CXCL12: variants seen among roughly 807,000 people sequenced by gnomAD.
The protein encoded by CXCL12 is C-X-C motif chemokine ligand 12, also known as stromal cell-derived factor 1.
A neutral mutation model predicts 10.7 loss-of-function variants in CXCL12; 4 were observed. That is an observed-to-expected ratio of 0.37 (90% CI 0.18 to 0.86). The LOEUF is 0.86. Among genes scored for constraint, CXCL12 ranks in the 40% least tolerant of loss-of-function variants. The pLI, the probability that CXCL12 is intolerant of heterozygous loss-of-function variation, is 0.43. For missense variants in CXCL12, 122 were observed against 110.4 expected (o/e 1.10, Z -0.47); for synonymous variants, 54 against 45.4 (o/e 1.19, Z -0.77).
At chr10:44,375,967 C>T, downstream of CXCL12, 1 of 1,613,424 alleles carries the variant, frequency 6.2e-7, no homozygotes, top group Non-Finnish European at 8.5e-7. Flanking sequence ...GGCAGCCTTT[C>T]TCTTCTTCTG....
In CXCL12 at chr10:44,377,620, T is replaced by C. The variant is rs1394049841; in HGVS notation, c.*1013A>G. 6.6e-7 allele frequency: 1 copy of C among 1,520,200 alleles called. No individual in the cohort carries two copies. The highest frequency in any genetic ancestry group is 8.8e-7 in the Non-Finnish European group (1 of 1,141,456). 94.2% of individuals were successfully genotyped at this position (1,520,200 alleles called of 1,614,324 possible). A position where few individuals can be genotyped will look rare whatever the true frequency, so the allele number is the denominator to read the frequency against. Reference sequence around the variant, plus strand: ...TGATTTCGGAAACCTCAGAGTTTGTTAGTGCCTCCATGGCATACATAGGCT... The same window carrying C: ...TGATTTCGGAAACCTCAGAGTTTGTCAGTGCCTCCATGGCATACATAGGCT... On this transcript the variant is annotated 3_prime_UTR_variant, in exon 3 of 3. Transcript: ENST00000343575.
Position 44,378,708 on chromosome 10 carries a change from G to C in CXCL12, c.195C>G (p.Asn65Lys). Residue 65 changes from asparagine (N) to lysine (K), a missense_variant, in exon 3 of 3, where the codon AAC becomes AAG. Coordinates refer to ENST00000343575, the MANE Select transcript of CXCL12 (RefSeq NM_199168.4). ...GGTCAATGCACACTTGTCTGTTGTT[G>C]TTCTTCAGCCGGGCTCTGTGAAAAC... ...CALQIVARLK[N>K]NNRQVCIDPK... The C allele has an allele frequency of 1.2e-6, 2 of 1,614,166 alleles. No homozygotes were observed. The highest frequency in any genetic ancestry group is 1.7e-6 in the Non-Finnish European group (2 of 1,180,012).
chr10:44,380,668 T>C (rs2132047862), intron 2 of CXCL12, 95 bp downstream of exon 2: 1 of 1,088,712 alleles, frequency 9.2e-7, no homozygotes, highest in East Asian at 2.4e-5. Context: ...ACTTGGCTTG[T>C]CACCTCTACA....
In CXCL12 at chr10:44,378,460, G is replaced by A; in HGVS notation, c.*173C>T. On this transcript the variant is annotated 3_prime_UTR_variant, in exon 3 of 3. Coordinates refer to ENST00000343575, the MANE Select transcript of CXCL12 (RefSeq NM_199168.4). ...TCATACCGTATGCTATAAATGCAGG[G>A]TCTAAATGCTGGCAAACCTCAGGCC... The A allele has an allele frequency of 5.2e-6, 8 of 1,537,996 alleles. No homozygotes were observed. Among genetic ancestry groups the A allele is most frequent in the Non-Finnish European group, 7.0e-6 (8 of 1,143,612 alleles).
At chr10:44,375,150 C>T (rs541187694), downstream of CXCL12, among the ~76,000 whole-genome samples, 1 of 152,312 alleles carries the variant, frequency 6.6e-6, no homozygotes, top group African/African-American at 2.4e-5. Context: ...CACATCTGTC[C>T]TCCACGTGGG....
chr10:44,375,943 T>C (rs575845294), downstream of CXCL12: 1 of 1,611,494 alleles, frequency 6.2e-7, no homozygotes, highest in South Asian at 1.1e-5. Flanking sequence ...AGATAACTAG[T>C]TTTTCCTTTT....
At chr10:44,382,142 G>A (rs1278275119) in intron 1 of CXCL12, among the ~76,000 whole-genome samples, 12 of 152,170 alleles carry the variant, frequency 7.9e-5, no homozygotes, top group Non-Finnish European at 7.3e-5. Flanking sequence ...GCAACTCCCT[G>A]AAAACCAGGA....
At chr10:44,374,463 CA>C (rs1358780927), downstream of CXCL12, 1 of 455,948 alleles carries the variant, frequency 2.2e-6, no homozygotes, top group Non-Finnish European at 4.4e-6. Flanking sequence ...GTGGGGAGGG[CA>C]GAAGACTAGG....
chr10:44,376,904 C>T (rs1191284023), downstream of CXCL12, among the ~76,000 whole-genome samples: 2 of 139,708 alleles, frequency 1.4e-5, no homozygotes, highest in African/African-American at 2.7e-5. Flanking sequence ...ACTGCTATTT[C>T]AATCGGGTTA....
Position 44,381,131 on chromosome 10 carries a change from G to A in CXCL12, c.62-251C>T, listed in dbSNP as rs1054770410. 4.6e-5 allele frequency among the ~76,000 whole-genome samples: 7 copies of A among 152,326 alleles called. No homozygotes were observed. The East Asian group carries it at 5.8e-4, about 13-fold the overall frequency. ...TGGGGAGAGCCGGAGCCTAGATGAG[G>A]CGGGAGTTTAAATTAGAAGCCACCT... is the stretch of plus-strand genomic sequence containing the variant. On this transcript the variant is annotated intron_variant, in intron 1 of 2. Coordinates refer to ENST00000343575, the MANE Select transcript of CXCL12 (RefSeq NM_199168.4).
In CXCL12 at chr10:44,378,076, G is replaced by A. The variant is rs1588898790; in HGVS notation, c.*557C>T. The A allele has an allele frequency of 8.2e-6, 12 of 1,458,124 alleles. No homozygotes were observed. Among genetic ancestry groups the A allele is most frequent in the Middle Eastern group, 2.2e-4 (1 of 4,450 alleles). The allele number at this position is 1,458,124 out of a possible 1,614,324, so 90.3% of individuals were successfully genotyped here. On this transcript the variant is annotated 3_prime_UTR_variant, in exon 3 of 3. Transcript: ENST00000343575. ...AAGAGGAGGTGAAGGCAGTGGCGGC[G>A]CCCAGCCCCAGTCGGTATCTGAGTG...
chr10:44,377,892 C>T lies in CXCL12; in HGVS notation c.*741G>A, dbSNP rs774652189. On this transcript the variant is annotated 3_prime_UTR_variant, in exon 3 of 3. Coordinates refer to ENST00000343575, the MANE Select transcript of CXCL12 (RefSeq NM_199168.4). Reference sequence around the variant, plus strand: ...GCAATCACCCTCTTCCCGGCTGGTGCGGCGCTGATCAGGCTACAGAAATGA... The same window carrying T: ...GCAATCACCCTCTTCCCGGCTGGTGTGGCGCTGATCAGGCTACAGAAATGA... The T allele has an allele frequency of 1.1e-5, 17 of 1,568,430 alleles. No homozygotes were observed. Among genetic ancestry groups the T allele is most frequent in the East Asian group, 2.3e-5 (1 of 43,262 alleles).
At chr10:44,374,046 C>T (rs1168529242), downstream of CXCL12, among the ~76,000 whole-genome samples, 1 of 152,230 alleles carries the variant, frequency 6.6e-6, no homozygotes, top group Non-Finnish European at 1.5e-5. Context: ...TCACAAGCCA[C>T]TTGTAAACCA....
At chr10:44,373,496 G>A (rs188403834), downstream of CXCL12, among the ~76,000 whole-genome samples, 40 of 152,366 alleles carry the variant, frequency 2.6e-4, no homozygotes, top group Admixed American at 7.2e-4. Flanking sequence ...GAGGCCCTGC[G>A]ACAACAGACG....
chr10:44,380,736 T>C, intron 2 of CXCL12, 27 bp downstream of exon 2: 3 of 1,554,690 alleles, frequency 1.9e-6, no homozygotes, highest in Non-Finnish European at 2.7e-6. Flanking sequence ...CTATGTTCGT[T>C]AGATGATGTT....
chr10:44,377,138 T>G lies in CXCL12; in HGVS notation c.*1495A>C. On this transcript the variant is annotated 3_prime_UTR_variant, in exon 3 of 3. Transcript: ENST00000343575. ...CACATACAGTAGGACGTTTATACCA[T>G]GAAACAATTAGCATTTTATTGCTAG... 1.0e-6 allele frequency: 1 copy of G among 986,368 alleles called. No individual in the cohort carries two copies. Among genetic ancestry groups the G allele is most frequent in the Non-Finnish European group, 1.2e-6 (1 of 830,646 alleles). The allele number at this position is 986,368 out of a possible 1,614,324, so 61.1% of individuals were successfully genotyped here. A position where few individuals can be genotyped will look rare whatever the true frequency, so the allele number is the denominator to read the frequency against.
In CXCL12 at chr10:44,378,491, C is replaced by G; in HGVS notation, c.*142G>C. ...ATGCTGGCAAACCTCAGGCCCGATCCCAGATCAATGTGCCCACCCCACACA... is the reference window on the plus strand; with the variant it reads ...ATGCTGGCAAACCTCAGGCCCGATCGCAGATCAATGTGCCCACCCCACACA... On this transcript the variant is annotated 3_prime_UTR_variant, in exon 3 of 3. Transcript: ENST00000343575. 1.9e-6 allele frequency: 3 copies of G among 1,541,448 alleles called. No homozygotes were observed. In the East Asian group the frequency reaches 7.0e-5, roughly 36 times the overall value.
At chr10:44,383,443 C>T (rs1472251166) in intron 1 of CXCL12, among the ~76,000 whole-genome samples, 1 of 152,042 alleles carries the variant, frequency 6.6e-6, no homozygotes, top group Admixed American at 6.5e-5. Flanking sequence ...TCATTCCAAT[C>T]CTCTCTCCAG....
downstream of CXCL12, chr10:44,372,920 C>T (rs41473651): frequency 4.9e-5 from 76 of 1,535,928 alleles, no homozygotes; most frequent in African/African-American, 1.0e-3. Flanking sequence ...GGTCCTGGCA[C>T]CCCCAGGCGT....
Sources: allele counts gnomAD v4.1 joint callset (sites outside exome capture counted in the v4.1 genomes callset), GRCh38; gene constraint gnomAD v4.1.1; transcripts MANE v1.5; gene names NCBI Gene and HGNC (gene_info 2026-07-23, HGNC 2026-07-21).